ZXDC: variants seen among roughly 807,000 people sequenced by gnomAD.
The protein encoded by ZXDC is zinc finger protein ZXDC.
ZXDC carries 58 observed loss-of-function variants against 63.6 expected under a neutral mutation model. The observed-to-expected ratio is 0.91, with a 90% CI of 0.74 to 1.13. The LOEUF is 1.13. Among genes scored for constraint, ZXDC ranks in the 50% most tolerant of loss-of-function variants. The pLI, the probability that ZXDC is intolerant of heterozygous loss-of-function variation, is 0.00. For synonymous variants in ZXDC, 561 were observed against 496.1 expected, an observed-to-expected ratio of 1.13 and a Z score of -1.74; for missense variants, 1,133 against 1,148.9, an observed-to-expected ratio of 0.99 and a Z score of 0.20.
chr3:126,461,646 A>T lies in ZXDC; in HGVS notation c.2016T>A (p.Val672=), dbSNP rs765705024. 10 of 1,613,200 alleles carry T rather than the reference A, an allele frequency of 6.2e-6. No individual in the cohort carries two copies. In the Admixed American group the frequency reaches 1.7e-4, roughly 27 times the overall value. The part of the protein sequence containing the change: ...EPDSPSRPGA[V]GQQEGSHGLP... ...GCCCATGGCTTCCTTCCTGCTGCCC[A>T]ACTGCTCCTGGGCGAGAAGGCGAGT... is the stretch of plus-strand genomic sequence containing the variant. The change falls in exon 6 of 10, where the codon GTT becomes GTA. Residue 672 remains valine (V), a synonymous_variant. Transcript: ENST00000389709.
At chr3:126,456,099 A>G (rs1312286246) in intron 7 of ZXDC, among the ~76,000 whole-genome samples, 2 of 152,252 alleles carry the variant, frequency 1.3e-5, no homozygotes, top group African/African-American at 4.8e-5. Flanking sequence ...ATTAATAAGT[A>G]CACAAGAATA....
chr3:126,475,582 T>C lies in ZXDC; in HGVS notation c.284A>G (p.Glu95Gly). 6.9e-7 allele frequency: 1 copy of C among 1,449,764 alleles called. No homozygotes were observed. The allele number at this position is 1,449,764 out of a possible 1,614,324, so 89.8% of individuals were successfully genotyped here. A position where few individuals can be genotyped will look rare whatever the true frequency, so the allele number is the denominator to read the frequency against. Residue 95 changes from glutamate (E) to glycine (G), a missense_variant, in exon 1 of 10, where the codon GAG (glutamate) becomes GGG (glycine). Transcript: ENST00000389709. ...GAAAEAAGSQ[E>G]AEPGSRVNLA... ...GTTGACACGGGAGCCAGGCTCGGCC[T>C]CCTGTGATCCGGCAGCCTCGGCGGC...
In ZXDC at chr3:126,461,957, C is replaced by T; in HGVS notation, c.1705G>A (p.Val569Met). ...SLGPMEPLVL[V>M]AHSDIPPSLD... ...CTTGGGGGAATATCACTGTGGGCCA[C>T]CAGGACCAGGGGTTCCATCGGCCCT... is the stretch of plus-strand genomic sequence containing the variant. The change falls in exon 6 of 10, where the codon GTG becomes ATG. Residue 569 changes from valine (V) to methionine (M), a missense_variant. By Grantham distance (21) the Val-to-Met change is conservative (BLOSUM62 1). Coordinates refer to ENST00000389709, the MANE Select transcript of ZXDC (RefSeq NM_025112.5). The T allele has an allele frequency of 6.2e-7, 1 of 1,614,070 alleles. No individual in the cohort carries two copies.
intron 4 of ZXDC, among the ~76,000 whole-genome samples, chr3:126,469,605 G>A (rs1200690616): frequency 3.9e-5 from 6 of 152,048 alleles, no homozygotes; most frequent in Non-Finnish European, 7.3e-5. Flanking sequence ...ACTCAAACAT[G>A]ATGACATCAT....
chr3:126,453,687 C>G (rs956001240), intron 7 of ZXDC: 2 of 985,158 alleles, frequency 2.0e-6, no homozygotes, highest in South Asian at 9.4e-5. Flanking sequence ...TTGTAATTAG[C>G]TTTTATTTTT....
chr3:126,454,324 C>T, intron 7 of ZXDC: 1 of 984,754 alleles, frequency 1.0e-6, no homozygotes, highest in Non-Finnish European at 1.2e-6. Context: ...TATACGTTTT[C>T]AAATAAATAT....
At chr3:126,459,314 A>G (rs955773975) in intron 7 of ZXDC, 1 of 985,332 alleles carries the variant, frequency 1.0e-6, no homozygotes, top group Non-Finnish European at 1.2e-6. Context: ...TCAGGCCCCA[A>G]GGCCATTCAG....
rs762627721 is a variant in ZXDC, at chr3:126,461,490, AG to A, written c.2127+44del. The stretch of plus-strand genomic sequence containing the variant: ...CAGAATATCCTCAAGACCGAGTATG[AG>A]AGAAGTGACCTATATGGTGGTGACT... On this transcript the variant is annotated intron_variant, in intron 6 of 9. Transcript: ENST00000389709. 1.6e-5 allele frequency: 25 copies of A among 1,553,860 alleles called. No homozygotes were observed. The Admixed American group carries it at 3.7e-4, about 23-fold the overall frequency.
chr3:126,458,818 T>C (rs1934409525), intron 7 of ZXDC: 1 of 985,374 alleles, frequency 1.0e-6, no homozygotes, highest in Non-Finnish European at 1.2e-6. Flanking sequence ...TGGTACTTTG[T>C]GAACTGTTGA....
chr3:126,466,092 C>A, intron 5 of ZXDC, 63 bp downstream of exon 5: 1 of 1,549,728 alleles, frequency 6.5e-7, no homozygotes, highest in Non-Finnish European at 8.8e-7. Flanking sequence ...ACAGACGGCA[C>A]TGGCACTGTT....
intron 7 of ZXDC, among the ~76,000 whole-genome samples, chr3:126,457,963 C>A (rs1231633932): frequency 6.6e-6 from 1 of 152,180 alleles, no homozygotes; most frequent in African/African-American, 2.4e-5. Flanking sequence ...CAGACTGGCA[C>A]ACTCGAAAGA....
In ZXDC at chr3:126,475,830, C is replaced by G; in HGVS notation, c.36G>C (p.Ala12=). The G allele has an allele frequency of 3.7e-6, 4 of 1,082,460 alleles. No individual in the cohort carries two copies. The highest frequency in any genetic ancestry group is 4.5e-6 in the Non-Finnish European group (4 of 893,640). 67.1% of individuals were successfully genotyped at this position (1,082,460 alleles called of 1,614,324 possible). ...DLPALLPAPT[A]RGGQHGGGPG... ...GGCCGCCGCCATGTTGCCCTCCGCG[C>G]GCAGTCGGGGCGGGGAGCAGCGCCG... The change falls in exon 1 of 10, where the codon GCG becomes GCC. Residue 12 remains alanine (A), a synonymous_variant. Coordinates refer to ENST00000389709, the MANE Select transcript of ZXDC (RefSeq NM_025112.5).
At chr3:126,445,608 G>A (rs1190605311) in intron 7 of ZXDC, among the ~76,000 whole-genome samples, 1 of 151,718 alleles carries the variant, frequency 6.6e-6, no homozygotes, top group Non-Finnish European at 1.5e-5. Context: ...CAGAAGGACA[G>A]CTGTGGGTGA....
At position 126,461,931 on chromosome 3, in the gene ZXDC, G is replaced by C; in HGVS notation, c.1731C>G (p.Ser577Arg). Residue 577 changes from serine to arginine, a missense_variant, in exon 6 of 10, where the codon AGC becomes AGG. Coordinates refer to ENST00000389709, the MANE Select transcript of ZXDC (RefSeq NM_025112.5). ...VLVAHSDIPP[S>R]LDSPLVLGTA... Reference sequence around the variant, plus strand: ...TCCCGAGAACCAGAGGGCTGTCCAGGCTTGGGGGAATATCACTGTGGGCCA... The same window carrying C: ...TCCCGAGAACCAGAGGGCTGTCCAGCCTTGGGGGAATATCACTGTGGGCCA... 1 of 1,614,200 alleles carries C rather than the reference G, an allele frequency of 6.2e-7. No homozygotes were observed. The highest frequency in any genetic ancestry group is 8.5e-7 in the Non-Finnish European group (1 of 1,180,044).
intron 7 of ZXDC, chr3:126,451,547 A>C: frequency 1.5e-5 from 15 of 985,396 alleles, no homozygotes; most frequent in Non-Finnish European, 1.8e-5. Flanking sequence ...AACATCACAG[A>C]GTGTCCCCAG....
intron 7 of ZXDC, among the ~76,000 whole-genome samples, chr3:126,444,341 G>T (rs994951363): frequency 1.3e-5 from 2 of 152,180 alleles, no homozygotes; most frequent in Non-Finnish European, 2.9e-5. Flanking sequence ...GACCATCCTG[G>T]CTAACACGGT....
In ZXDC at chr3:126,475,222, C is replaced by T; in HGVS notation, c.644G>A (p.Cys215Tyr). The change falls in exon 1 of 10, where the codon TGT becomes TAT. Residue 215 changes from cysteine to tyrosine, a missense_variant. Coordinates refer to ENST00000389709, the MANE Select transcript of ZXDC (RefSeq NM_025112.5). ...GTAGGACGTTGTGAAGGCCCAACCA[C>T]AGCCCTCCAGTGGGCACTTGAAGGG... ...RRPFKCPLEG[C>Y]GWAFTTSYKL... The T allele has an allele frequency of 6.4e-7, 1 of 1,572,190 alleles. No homozygotes were observed. The highest frequency in any genetic ancestry group is 8.6e-7 in the Non-Finnish European group (1 of 1,158,618).
chr3:126,472,084 T>G (rs754685845), intron 2 of ZXDC, 33 bp from the exon 3 acceptor site: 4 of 1,609,392 alleles, frequency 2.5e-6, no homozygotes, highest in Non-Finnish European at 3.4e-6. Context: ...AGCATAAAAT[T>G]TACAACTCCA....
chr3:126,452,418 G>A (rs1934143527), intron 7 of ZXDC: 7 of 985,392 alleles, frequency 7.1e-6, no homozygotes, highest in Non-Finnish European at 8.4e-6. Context: ...GACAGGTGCA[G>A]GAGCCGAGCA....
Sources: allele counts gnomAD v4.1 joint callset (sites outside exome capture counted in the v4.1 genomes callset), GRCh38; gene constraint gnomAD v4.1.1; transcripts MANE v1.5; gene names NCBI Gene and HGNC (gene_info 2026-07-23, HGNC 2026-07-21).